The following OTOG variants were observed in gnomAD, a reference collection of about 807,000 sequenced individuals.
OTOG encodes the protein otogelin.
Under a neutral mutation model 313.8 loss-of-function variants are expected in OTOG, and 296 were observed. The ratio of observed to expected loss-of-function variants is 0.94; its 90% CI spans 0.86 to 1.04. The LOEUF (loss-of-function observed/expected upper bound fraction) is 1.04. Among genes scored for constraint, OTOG ranks in the 50% least tolerant of loss-of-function variants. OTOG has a pLI of 0.00. For synonymous variants in OTOG, 1,533 were observed against 1,554.9 expected, an observed-to-expected ratio of 0.99 and a Z score of 0.33; for missense variants, 3,948 against 3,840.1, an observed-to-expected ratio of 1.03 and a Z score of -0.74.
intron 10 of OTOG, 140 bp downstream of exon 10, chr11:17,558,784 G>T: frequency 1.0e-6 from 1 of 974,278 alleles, no homozygotes; most frequent in Admixed American, 2.1e-5. Flanking sequence ...GCCTAGGTGG[G>T]ACAGAGCTGC....
intron 11 of OTOG, among the ~76,000 whole-genome samples, 166 bp from the exon 12 acceptor site, chr11:17,559,368 C>A (rs778777718): frequency 2.6e-5 from 4 of 152,152 alleles, no homozygotes; most frequent in Non-Finnish European, 5.9e-5. Flanking sequence ...CCTTGCAATT[C>A]CTTCTCCTTG....
chr11:17,563,050 A>G (rs979742747), intron 15 of OTOG, among the ~76,000 whole-genome samples: 1 of 152,186 alleles, frequency 6.6e-6, no homozygotes, highest in East Asian at 1.9e-4. Flanking sequence ...GCACTGGGTG[A>G]CAGAAGTGTG....
chr11:17,559,197 C>T (rs748619986), intron 11 of OTOG, 36 bp downstream of exon 11: 9 of 1,453,844 alleles, frequency 6.2e-6, no homozygotes, highest in South Asian at 1.3e-5. Context: ...GGGAGGCCTT[C>T]AGGCTGTGGG....
intron 25 of OTOG, 130 bp from the exon 26 acceptor site, chr11:17,593,063 C>A: frequency 1.0e-6 from 1 of 969,294 alleles, no homozygotes; most frequent in Non-Finnish European, 1.5e-6. Flanking sequence ...CCCAAAGTCA[C>A]ACAGCTCAGC....
In OTOG at chr11:17,612,432, G is replaced by A. The variant is rs928145050; in HGVS notation, c.6292+102G>A. Reference sequence around the variant, plus strand: ...TGTGTCCCAGACTCCCCTCCTGTGGGACCCCGACCTGGCAGATTTCCTACG... The same window carrying A: ...TGTGTCCCAGACTCCCCTCCTGTGGAACCCCGACCTGGCAGATTTCCTACG... On this transcript the variant is annotated intron_variant, in intron 37 of 55. Coordinates refer to ENST00000399397, the MANE Select transcript of OTOG (RefSeq NM_001292063.2). The A allele has an allele frequency of 4.9e-6, 7 of 1,429,920 alleles. No homozygotes were observed. The Admixed American group carries it at 1.2e-4, about 25-fold the overall frequency. The allele number at this position is 1,429,920 out of a possible 1,614,324, so 88.6% of individuals were successfully genotyped here. A position where few individuals can be genotyped will look rare whatever the true frequency, so the allele number is the denominator to read the frequency against.
Position 17,645,930 on chromosome 11 carries a change from T to C in OTOG, c.8728T>C (p.Cys2910Arg), listed in dbSNP as rs777325144. 43 of 1,549,568 alleles carry C rather than the reference T, an allele frequency of 2.8e-5. No individual in the cohort carries two copies. The East Asian group carries it at 9.0e-4, about 33-fold the overall frequency. The stretch of plus-strand genomic sequence containing the variant: ...AGTGCAGGAGCCCACCGACTGTGCC[T>C]GCCAGTGGTCCTGAGGCCTGGGGGC... ...YTVQEPTDCA[C>R]QWS The change falls in exon 56 of 56, where the codon TGC (cysteine) becomes CGC (arginine). Residue 2910 changes from cysteine (C) to arginine (R), a missense_variant. Cys to Arg is a radical substitution (Grantham distance 180, BLOSUM62 -3). Coordinates refer to ENST00000399397, the MANE Select transcript of OTOG (RefSeq NM_001292063.2).
In OTOG at chr11:17,562,044, AAAATATATAT is replaced by A. The variant is rs1191650715; in HGVS notation, c.1644+239_1644+248del. On this transcript the variant is annotated intron_variant, in intron 15 of 55. Coordinates refer to ENST00000399397, the MANE Select transcript of OTOG (RefSeq NM_001292063.2). Reference sequence around the variant, plus strand: ...TTTTAGGATTTTACTACCTAAAAAAAAAATATATATATATATATATATATATATGTATGTA... The same window carrying A: ...TTTTAGGATTTTACTACCTAAAAAAAATATATATATATATATATGTATGTA... Among the ~76,000 whole-genome samples, 611 of 125,006 alleles carry A rather than the reference AAAATATATAT, an allele frequency of 4.9e-3. 2 individuals are homozygous for A. The highest frequency in any genetic ancestry group is 0.021 in the African/African-American group (581 of 27,286). The allele number at this position is 125,006 out of a possible 152,430, so 82.0% of individuals were successfully genotyped here.
intron 3 of OTOG, among the ~76,000 whole-genome samples, chr11:17,548,697 C>A (rs1423178217): frequency 6.6e-6 from 1 of 151,950 alleles, no homozygotes; most frequent in African/African-American, 2.4e-5. Context: ...AGAAGCAGAG[C>A]CCTGAACTCA....
Position 17,553,447 on chromosome 11 carries a change from C to T in OTOG, c.468C>T (p.Tyr156=). 2 of 1,471,928 alleles carry T rather than the reference C, an allele frequency of 1.4e-6. No homozygotes were observed. The highest frequency in any genetic ancestry group is 1.8e-4 in the Middle Eastern group (1 of 5,610). 91.2% of individuals were successfully genotyped at this position (1,471,928 alleles called of 1,614,324 possible). The change falls in exon 6 of 56, where the codon TAC becomes TAT. Residue 156 remains tyrosine, a synonymous_variant. Transcript: ENST00000399397. ...TGGAGACATTTGATGGGCTCTACTA[C>T]TACCTCTCCGGAAAGGGCAGCTACA... ...HHVETFDGLY[Y]YLSGKGSYTL... is the part of the protein sequence containing the mutation.
intron 23 of OTOG, among the ~76,000 whole-genome samples, chr11:17,584,056 G>C (rs1852736372): frequency 6.6e-6 from 1 of 152,120 alleles, no homozygotes; most frequent in African/African-American, 2.4e-5. Context: ...GGTATTTGCT[G>C]TTTTTGTTGA....
At chr11:17,604,975 C>A (rs939670295) in intron 32 of OTOG, among the ~76,000 whole-genome samples, 10 of 152,236 alleles carry the variant, frequency 6.6e-5, no homozygotes, top group African/African-American at 2.4e-4. Context: ...CCTGGGGACA[C>A]AGGGGACACA....
At chr11:17,645,498 G>C in intron 54 of OTOG, 66 bp from the exon 55 acceptor site, 1 of 1,473,086 alleles carries the variant, frequency 6.8e-7, no homozygotes, top group Non-Finnish European at 9.2e-7. Flanking sequence ...CCCTGGGCTG[G>C]CCCATCCTGC....
intron 15 of OTOG, among the ~76,000 whole-genome samples, chr11:17,568,322 TATC>T (rs1441831610): frequency 6.6e-6 from 1 of 152,240 alleles, no homozygotes; most frequent in African/African-American, 2.4e-5. Flanking sequence ...TTGGTTGTAA[TATC>T]ATAATAATAT....
chr11:17,558,622 A>G lies in OTOG; in HGVS notation c.1081A>G (p.Ser361Gly). The G allele has an allele frequency of 2.6e-6, 4 of 1,550,200 alleles. No homozygotes were observed. Among genetic ancestry groups the G allele is most frequent in the Non-Finnish European group, 3.5e-6 (4 of 1,147,002 alleles). The part of the protein sequence containing the change: ...AYVSPLPFTA[S>G]CTSDLCQSMG... ...CGTCAGCCCTCTGCCCTTCACAGCC[A>G]GTTGTACCAGTGATCTCTGCCAGTG... is the stretch of plus-strand genomic sequence containing the variant. The change falls in exon 10 of 56, where the codon AGT (serine) becomes GGT (glycine). Residue 361 changes from serine to glycine, a missense_variant. Transcript: ENST00000399397.
intron 14 of OTOG, 106 bp downstream of exon 14, chr11:17,561,243 C>A: frequency 7.6e-7 from 1 of 1,308,548 alleles, no homozygotes; most frequent in Non-Finnish European, 1.1e-6. Flanking sequence ...GGATGTCACT[C>A]AGTTCCATTG....
Position 17,629,062 on chromosome 11 carries a change from G to A in OTOG, c.6529-71G>A, listed in dbSNP as rs190566120. On this transcript the variant is annotated intron_variant, in intron 39 of 55. Coordinates refer to ENST00000399397, the MANE Select transcript of OTOG (RefSeq NM_001292063.2). ...TGGATGGATGGATGAATGGATGGAC[G>A]GACAGATGGATGGATGGATGGATGA... 624 of 1,391,274 alleles carry A rather than the reference G, an allele frequency of 4.5e-4. 3 individuals carry two copies. Among genetic ancestry groups the A allele is most frequent in the Middle Eastern group, 1.3e-3 (7 of 5,548 alleles). The allele number at this position is 1,391,274 out of a possible 1,614,324, so 86.2% of individuals were successfully genotyped here.
intron 28 of OTOG, among the ~76,000 whole-genome samples, chr11:17,594,541 G>T (rs184499760): frequency 2.6e-4 from 40 of 152,296 alleles, no homozygotes; most frequent in African/African-American, 9.4e-4. Flanking sequence ...ATCAGGGAAG[G>T]CTTCCTGAAG....
chr11:17,587,079 G>A (rs1189800968), intron 24 of OTOG, among the ~76,000 whole-genome samples: 1 of 152,234 alleles, frequency 6.6e-6, no homozygotes, highest in Non-Finnish European at 1.5e-5. Context: ...GTGTGTGGAT[G>A]TATGTTTTTA....
chr11:17,641,216 C>T (rs1847965904), intron 51 of OTOG, 125 bp downstream of exon 51: 2 of 1,050,360 alleles, frequency 1.9e-6, no homozygotes, highest in Non-Finnish European at 2.7e-6. Flanking sequence ...CAGAGGGGCC[C>T]TCAGAAACCT....
Sources: allele counts gnomAD v4.1 joint callset (sites outside exome capture counted in the v4.1 genomes callset), GRCh38; gene constraint gnomAD v4.1.1; transcripts MANE v1.5; gene names NCBI Gene and HGNC (gene_info 2026-07-23, HGNC 2026-07-21).